Variants in EPHA6 observed in about 807,000 individuals in gnomAD.
The protein encoded by EPHA6 is EPH receptor A6.
A neutral mutation model predicts 112.0 loss-of-function variants in EPHA6; 50 were observed. That is an observed-to-expected ratio of 0.45 (90% CI 0.36 to 0.56). EPHA6 has a LOEUF of 0.56. Ranked by LOEUF, EPHA6 falls within the 20% of genes least tolerant of loss-of-function variation. EPHA6 has a pLI of 0.00. For missense variants in EPHA6, 1,280 were observed against 1,417.4 expected (o/e 0.90, Z 1.56); for synonymous variants, 529 against 490.7 (o/e 1.08, Z -1.03).
chr3:97,657,604 C>T (rs1340303548), intron 14 of EPHA6, among the ~76,000 whole-genome samples: 1 of 151,748 alleles, frequency 6.6e-6, no homozygotes, highest in Non-Finnish European at 1.5e-5. Context: ...TCGGTTTCCA[C>T]ATCTTGAACA....
chr3:97,319,678 AAACAAAAAAC>A (rs1189414534), intron 5 of EPHA6, among the ~76,000 whole-genome samples: 1 of 151,232 alleles, frequency 6.6e-6, no homozygotes, highest in African/African-American at 2.4e-5. Context: ...AAAAAAAAAA[AAACAAAAAAC>A]AAAAAAAAAA....
At chr3:96,873,966 G>A (rs1368002705) in intron 2 of EPHA6, among the ~76,000 whole-genome samples, 1 of 151,990 alleles carries the variant, frequency 6.6e-6, no homozygotes, top group East Asian at 1.9e-4. Context: ...GAAAAAACTG[G>A]ACCTGAGAAG....
chr3:97,474,430 A>G (rs1045867830), intron 7 of EPHA6, among the ~76,000 whole-genome samples: 1 of 152,080 alleles, frequency 6.6e-6, no homozygotes, highest in Admixed American at 6.6e-5. Context: ...ACTACAAGTT[A>G]TAGTAACAAA....
intron 3 of EPHA6, among the ~76,000 whole-genome samples, chr3:97,146,589 T>G (rs990237936): frequency 4.4e-4 from 67 of 151,960 alleles, no homozygotes; most frequent in African/African-American, 1.6e-3. Flanking sequence ...CTCTCTATAT[T>G]AGGTAACTCA....
intron 3 of EPHA6, among the ~76,000 whole-genome samples, chr3:97,079,886 C>T (rs1310994999): frequency 1.3e-5 from 2 of 150,502 alleles, no homozygotes; most frequent in African/African-American, 2.5e-5. Context: ...GCTGAAGGCT[C>T]ACATGATTGT....
intron 1 of EPHA6, among the ~76,000 whole-genome samples, chr3:96,820,865 G>A (rs2033202598): frequency 6.6e-6 from 1 of 151,930 alleles, no homozygotes; most frequent in Non-Finnish European, 1.5e-5. Flanking sequence ...AACATAGTAA[G>A]CCAGCAGAGT....
At chr3:96,953,355 G>A (rs541092442) in intron 2 of EPHA6, among the ~76,000 whole-genome samples, 3 of 152,114 alleles carry the variant, frequency 2.0e-5, no homozygotes, top group East Asian at 3.9e-4. Flanking sequence ...AATTGTATTT[G>A]TTTCTAGTTT....
chr3:96,865,706 A>AAAAAAAAAAAG (rs1559784085), intron 1 of EPHA6, among the ~76,000 whole-genome samples: 4 of 151,274 alleles, frequency 2.6e-5, no homozygotes, highest in Non-Finnish European at 5.9e-5. Flanking sequence ...AAAAAAAAAA[A>AAAAAAAAAAAG]AAAAAAAAAG....
At chr3:97,295,967 C>T (rs773835043) in intron 5 of EPHA6, among the ~76,000 whole-genome samples, 17 of 151,990 alleles carry the variant, frequency 1.1e-4, no homozygotes, top group Non-Finnish European at 1.9e-4. Flanking sequence ...ATGTGGGCAC[C>T]AGTATTAGCA....
At chr3:97,463,474 C>G (rs2090956889) in intron 7 of EPHA6, among the ~76,000 whole-genome samples, 1 of 152,070 alleles carries the variant, frequency 6.6e-6, no homozygotes, top group African/African-American at 2.4e-5. Context: ...GGAACATAAT[C>G]ATTACTAGAG....
intron 5 of EPHA6, among the ~76,000 whole-genome samples, chr3:97,251,478 T>C (rs1449154416): frequency 1.3e-5 from 2 of 151,846 alleles, no homozygotes; most frequent in African/African-American, 2.4e-5. Context: ...TGCAGTGAGC[T>C]GAGATCGTCC....
intron 6 of EPHA6, among the ~76,000 whole-genome samples, chr3:97,445,507 C>T (rs1038444004): frequency 2.6e-5 from 4 of 151,932 alleles, no homozygotes; most frequent in Admixed American, 1.3e-4. Flanking sequence ...ATTAATAATA[C>T]CTTGTATGAA....
At chr3:96,890,876 A>G (rs891064201) in intron 2 of EPHA6, among the ~76,000 whole-genome samples, 2 of 152,202 alleles carry the variant, frequency 1.3e-5, no homozygotes, top group Non-Finnish European at 2.9e-5. Flanking sequence ...ACTTGAGGTC[A>G]GGAGTGCAAG....
At chr3:96,940,314 G>GT (rs1206796101) in intron 2 of EPHA6, among the ~76,000 whole-genome samples, 1 of 152,146 alleles carries the variant, frequency 6.6e-6, no homozygotes, top group African/African-American at 2.4e-5. Flanking sequence ...ATTTAAGATA[G>GT]TTAGCTCTTG....
intron 13 of EPHA6, among the ~76,000 whole-genome samples, chr3:97,631,078 G>GAAAAAA (rs1445024687): frequency 6.6e-6 from 1 of 151,980 alleles, no homozygotes; most frequent in East Asian, 1.9e-4. Flanking sequence ...TCCTCCAGAT[G>GAAAAAA]ATTTTTCATC....
intron 2 of EPHA6, among the ~76,000 whole-genome samples, chr3:96,885,206 C>G (rs907311997): frequency 1.3e-5 from 2 of 151,984 alleles, no homozygotes; most frequent in African/African-American, 4.8e-5. Context: ...ATGTCCTTTC[C>G]TGGTTTTGGT....
chr3:97,073,915 T>C (rs1292451159), intron 3 of EPHA6, among the ~76,000 whole-genome samples: 1 of 152,080 alleles, frequency 6.6e-6, no homozygotes, highest in Non-Finnish European at 1.5e-5. Flanking sequence ...TTACATTTAT[T>C]TGAATCCTAG....
At chr3:97,688,257 A>G (rs1035388682) in intron 14 of EPHA6, among the ~76,000 whole-genome samples, 11 of 152,070 alleles carry the variant, frequency 7.2e-5, no homozygotes, top group African/African-American at 2.2e-4. Flanking sequence ...GTTATTTGGT[A>G]TGTAATTTTC....
rs1003226454 is a variant in EPHA6, at chr3:97,227,732, G to A, written c.1270+1313G>A. ...ATGCACATGGGCAATTGAGCTTCATGCCTCAGCATGGGACCCATGTACAAA... is the reference window on the plus strand; with the variant it reads ...ATGCACATGGGCAATTGAGCTTCATACCTCAGCATGGGACCCATGTACAAA... On this transcript the variant is annotated intron_variant, in intron 4 of 17. Transcript: ENST00000389672. 5.4e-5 allele frequency among the ~76,000 whole-genome samples: 8 copies of A among 149,264 alleles called. No individual in the cohort carries two copies. The East Asian group carries it at 1.6e-3, about 29-fold the overall frequency.
Sources: gnomAD v4.1 joint callset for allele counts (sites outside exome capture counted in the v4.1 genomes callset) on GRCh38, gnomAD v4.1.1 for gene constraint, MANE v1.5 for transcripts, NCBI Gene and HGNC (gene_info 2026-07-23, HGNC 2026-07-21) for gene names.